Variants in GTF2IRD1 observed in about 807,000 individuals in gnomAD.
GTF2IRD1 encodes the protein general transcription factor II-I repeat domain-containing protein 1.
GTF2IRD1 carries 26 observed loss-of-function variants against 113.2 expected under a neutral mutation model. The ratio of observed to expected loss-of-function variants is 0.23; its 90% CI spans 0.17 to 0.32. GTF2IRD1 has a LOEUF of 0.32. GTF2IRD1 is among the 10% of genes least tolerant of loss of function. The pLI is 1.00. For synonymous variants in GTF2IRD1, 484 were observed against 529.1 expected (o/e 0.91, Z 1.17); for missense variants, 864 against 1,280.8 (o/e 0.67, Z 4.97).
intron 7 of GTF2IRD1, 80 bp downstream of exon 7, chr7:74,521,377 T>G: frequency 1.2e-6 from 1 of 843,316 alleles, no homozygotes; most frequent in East Asian, 2.4e-5. Context: ...TGGAAGTGTA[T>G]CTCCTGGGTC....
chr7:74,568,581 G>A (rs1455263791), intron 22 of GTF2IRD1, among the ~76,000 whole-genome samples: 3 of 152,062 alleles, frequency 2.0e-5, no homozygotes, highest in Non-Finnish European at 4.4e-5. Flanking sequence ...CCGGGAGGCG[G>A]AACTTGCAGT....
At chr7:74,585,269 G>A (rs782432563) in intron 22 of GTF2IRD1, among the ~76,000 whole-genome samples, 77 of 150,552 alleles carry the variant, frequency 5.1e-4, no homozygotes, top group Admixed American at 1.8e-3. Flanking sequence ...GCACCACCAC[G>A]CCCAGCTAAT....
In GTF2IRD1 at chr7:74,536,157, C is replaced by T; in HGVS notation, c.1301-10C>T. The stretch of plus-strand genomic sequence containing the variant: ...GGCCTTCACCCTGACCTCCCTGACT[C>T]TCCCCACAGGGAACAAGTTTACCAA... On this transcript the variant is annotated splice_polypyrimidine_tract_variant and intron_variant, in intron 10 of 26. Coordinates refer to ENST00000424337, the MANE Select transcript of GTF2IRD1 (RefSeq NM_005685.4). 6.3e-7 allele frequency: 1 copy of T among 1,587,322 alleles called. No individual in the cohort carries two copies. Among genetic ancestry groups the T allele is most frequent in the African/African-American group, 1.3e-5 (1 of 74,578 alleles).
At chr7:74,524,407 G>A (rs1797474191) in intron 8 of GTF2IRD1, among the ~76,000 whole-genome samples, 1 of 152,174 alleles carries the variant, frequency 6.6e-6, no homozygotes, top group Non-Finnish European at 1.5e-5. Flanking sequence ...GTGGCGGGGA[G>A]CGGGACAGGT....
intron 9 of GTF2IRD1, among the ~76,000 whole-genome samples, chr7:74,532,335 C>T (rs1043149983): frequency 6.6e-6 from 1 of 152,188 alleles, no homozygotes; most frequent in Admixed American, 6.5e-5. Flanking sequence ...AGGAGGATCA[C>T]TTGAGGCCAG....
In GTF2IRD1 at chr7:74,521,306, G is replaced by T. The variant is rs781946395; in HGVS notation, c.1006+9G>T. The stretch of plus-strand genomic sequence containing the variant: ...CGTCCATGACAAGTCAGGTAGGACA[G>T]CGCCCACGAAGCACCCCGGCCTGAG... On this transcript the variant is annotated intron_variant, in intron 7 of 26. Coordinates refer to ENST00000424337, the MANE Select transcript of GTF2IRD1 (RefSeq NM_005685.4). 18 of 1,577,138 alleles carry T rather than the reference G, an allele frequency of 1.1e-5. No individual in the cohort carries two copies. The highest frequency in any genetic ancestry group is 1.3e-5 in the African/African-American group (1 of 74,202).
intron 1 of GTF2IRD1, among the ~76,000 whole-genome samples, chr7:74,454,607 CGG>C: frequency 6.6e-6 from 1 of 152,192 alleles, no homozygotes; most frequent in Middle Eastern, 3.4e-3. Context: ...CACCTTCTCC[CGG>C]TCTGGGCCAG....
At chr7:74,571,210 C>T (rs1800676348) in intron 22 of GTF2IRD1, 5 of 694,142 alleles carry the variant, frequency 7.2e-6, no homozygotes, top group African/African-American at 5.8e-5. Context: ...CTCAGTTTCC[C>T]TACTTGTAAA....
At chr7:74,471,447 T>C (rs575309199) in intron 1 of GTF2IRD1, among the ~76,000 whole-genome samples, 79 of 151,988 alleles carry the variant, frequency 5.2e-4, no homozygotes, top group Admixed American at 1.2e-3. Context: ...AGTTCAAGCC[T>C]GCGGTGAGCT....
At chr7:74,459,423 A>G (rs1554328471) in intron 1 of GTF2IRD1, among the ~76,000 whole-genome samples, 1 of 151,696 alleles carries the variant, frequency 6.6e-6, no homozygotes, top group Admixed American at 6.6e-5. Flanking sequence ...GTACCATTGC[A>G]CTCCAGCCTG....
intron 1 of GTF2IRD1, among the ~76,000 whole-genome samples, chr7:74,492,234 G>C (rs1795396829): frequency 6.7e-6 from 1 of 149,152 alleles, no homozygotes; most frequent in East Asian, 2.0e-4. Context: ...TCAGTGGCGT[G>C]ATCTCGGCTC....
intron 1 of GTF2IRD1, among the ~76,000 whole-genome samples, chr7:74,483,639 A>G (rs1417802921): frequency 2.0e-5 from 3 of 151,896 alleles, no homozygotes; most frequent in African/African-American, 4.8e-5. Context: ...GAGTCCAGGA[A>G]TTTGAGGCTG....
rs782097495 is a variant in GTF2IRD1 at position 74,515,609 on chromosome 7, C to T, written c.421+13C>T. ...GATGTTCTTTATAGTAAGATCCTTC[C>T]TCATTCCATTTGGGGGCCCCAGGGA... On this transcript the variant is annotated intron_variant, in intron 4 of 26. Coordinates refer to ENST00000424337, the MANE Select transcript of GTF2IRD1 (RefSeq NM_005685.4). The T allele has an allele frequency of 3.1e-6, 5 of 1,597,336 alleles. No homozygotes were observed. The highest frequency in any genetic ancestry group is 1.1e-5 in the South Asian group (1 of 90,300).
intron 22 of GTF2IRD1, among the ~76,000 whole-genome samples, chr7:74,588,821 C>T (rs782601352): frequency 3.3e-5 from 5 of 152,068 alleles, no homozygotes; most frequent in Non-Finnish European, 7.4e-5. Context: ...CATGAGCCAC[C>T]ATGTCAGGCC....
At chr7:74,526,195 T>C (rs1797585843) in intron 8 of GTF2IRD1, among the ~76,000 whole-genome samples, 1 of 152,244 alleles carries the variant, frequency 6.6e-6, no homozygotes, top group Non-Finnish European at 1.5e-5. Context: ...TGTCCCACGC[T>C]CTGGACTTTC....
chr7:74,483,037 G>C (rs1562788807), intron 1 of GTF2IRD1, among the ~76,000 whole-genome samples: 2 of 152,222 alleles, frequency 1.3e-5, no homozygotes. Flanking sequence ...TAGCTGTTAA[G>C]CCCACAGGAG....
At chr7:74,518,648 G>A (rs1797094595) in intron 5 of GTF2IRD1, among the ~76,000 whole-genome samples, 2 of 152,154 alleles carry the variant, frequency 1.3e-5, no homozygotes, top group African/African-American at 4.8e-5. Context: ...GGGAGGCTGA[G>A]GTGGGAGGAT....
chr7:74,546,666 C>T (rs1170797918), intron 16 of GTF2IRD1, among the ~76,000 whole-genome samples: 20 of 152,144 alleles, frequency 1.3e-4, no homozygotes, highest in South Asian at 1.0e-3. Flanking sequence ...CGTTCCAAGG[C>T]GTGGTGTTGT....
At chr7:74,473,082 G>T (rs1554332784) in intron 1 of GTF2IRD1, among the ~76,000 whole-genome samples, 1 of 152,238 alleles carries the variant, frequency 6.6e-6, no homozygotes, top group African/African-American at 2.4e-5. Flanking sequence ...ACAGACAGGA[G>T]AACAGAGCAC....
Sources: allele counts gnomAD v4.1 joint callset (sites outside exome capture counted in the v4.1 genomes callset), GRCh38; gene constraint gnomAD v4.1.1; transcripts MANE v1.5; gene names NCBI Gene and HGNC (gene_info 2026-07-23, HGNC 2026-07-21).